LRRC49: variants seen among roughly 807,000 people sequenced by gnomAD.
LRRC49 encodes leucine rich repeat containing 49.
In LRRC49, 50 loss-of-function variants were observed where a neutral mutation model predicts 83.3. The ratio of observed to expected loss-of-function variants is 0.60; its 90% CI spans 0.48 to 0.76. The LOEUF (loss-of-function observed/expected upper bound fraction) is 0.76. LRRC49 is among the 30% of genes least tolerant of loss of function. The probability of loss-of-function intolerance (pLI) is 0.00; values close to 1 mark genes in which losing one functional copy is unlikely to be tolerated. For missense variants in LRRC49, 704 were observed against 809.1 expected (o/e 0.87, Z 1.58); for synonymous variants, 286 against 283.3 (o/e 1.01, Z -0.10).
chr15:71,015,474 G>A (rs369934032), intron 14 of LRRC49, among the ~76,000 whole-genome samples: 16 of 152,130 alleles, frequency 1.1e-4, no homozygotes, highest in Admixed American at 7.2e-4. Flanking sequence ...AGAATCTAAC[G>A]CCACTGCTGA....
chr15:70,936,790 A>G lies in LRRC49; in HGVS notation c.741A>G (p.Gln247=), dbSNP rs774089622. The G allele has an allele frequency of 1.2e-6, 2 of 1,611,624 alleles. No individual in the cohort carries two copies. Among genetic ancestry groups the G allele is most frequent in the Non-Finnish European group, 8.5e-7 (1 of 1,178,192 alleles). The change falls in exon 8 of 16, where the codon CAA becomes CAG. Residue 247 remains glutamine, a synonymous_variant. Transcript: ENST00000260382. ...ATGTGGATAATTTGCCCTGCCTCCA[A>G]CATCTCTTTCTCAGCTTTAACAATA... ...VRDVDNLPCL[Q]HLFLSFNNIS... is the part of the protein sequence containing the mutation.
intron 14 of LRRC49, among the ~76,000 whole-genome samples, chr15:71,026,115 TGTCCA>T (rs2039162208): frequency 6.6e-6 from 1 of 151,808 alleles, no homozygotes; most frequent in African/African-American, 2.4e-5. Context: ...CCCCTCCCTG[TGTCCA>T]TGTGTTCTTA....
intron 9 of LRRC49, among the ~76,000 whole-genome samples, chr15:70,968,604 G>A (rs1055544180): frequency 3.3e-5 from 5 of 152,142 alleles, no homozygotes; most frequent in African/African-American, 1.2e-4. Context: ...CACCAACAGT[G>A]TAAAAGCATT....
At chr15:70,858,975 C>T in intron 1 of LRRC49, 1 of 859,396 alleles carries the variant, frequency 1.2e-6, no homozygotes, top group East Asian at 2.4e-5. Flanking sequence ...CCAGGCTCTA[C>T]ACACCCAAAG....
Position 70,974,353 on chromosome 15 carries a change from T to G in LRRC49, c.922-5748T>G, listed in dbSNP as rs1258367215. 2.6e-5 allele frequency among the ~76,000 whole-genome samples: 4 copies of G among 152,266 alleles called. No individual in the cohort carries two copies. In the East Asian group the frequency reaches 7.7e-4, roughly 29 times the overall value. ...TTTTATGGCATCATTTTGAGTAAAT[T>G]GTATGACATGGTTATGTAGATTTTT... is the stretch of plus-strand genomic sequence containing the variant. On this transcript the variant is annotated intron_variant, in intron 9 of 15. Coordinates refer to ENST00000260382, the MANE Select transcript of LRRC49 (RefSeq NM_017691.5).
At chr15:71,028,525 G>A (rs1015079372) in intron 14 of LRRC49, among the ~76,000 whole-genome samples, 18 of 152,136 alleles carry the variant, frequency 1.2e-4, no homozygotes, top group East Asian at 3.9e-4. Context: ...GAATGCTACC[G>A]GCTCCTCTTT....
chr15:71,007,937 G>C (rs2038518104), intron 11 of LRRC49, among the ~76,000 whole-genome samples: 1 of 151,300 alleles, frequency 6.6e-6, no homozygotes, highest in Non-Finnish European at 1.5e-5. Context: ...ATTTTTAGCA[G>C]TTATTACTTG....
At chr15:70,860,295 G>A (rs1326459871) in intron 1 of LRRC49, 23 of 532,650 alleles carry the variant, frequency 4.3e-5, no homozygotes, top group Middle Eastern at 5.0e-4. Flanking sequence ...GCCCACCCGC[G>A]GGGGAGTTTA....
chr15:70,989,597 T>C (rs2037778927), intron 11 of LRRC49, among the ~76,000 whole-genome samples: 1 of 152,122 alleles, frequency 6.6e-6, no homozygotes, highest in South Asian at 2.1e-4. Flanking sequence ...TAGCTCGGAG[T>C]AGTTTGATCA....
At chr15:71,021,825 A>G (rs1186413726) in intron 14 of LRRC49, among the ~76,000 whole-genome samples, 1 of 152,208 alleles carries the variant, frequency 6.6e-6, no homozygotes, top group African/African-American at 2.4e-5. Context: ...TGGCAGAGGC[A>G]GGGTTCAAAG....
rs1203603147 is a variant in LRRC49, at chr15:70,963,024, T to TG, written c.774-754dup. On this transcript the variant is annotated intron_variant, in intron 8 of 15. Transcript: ENST00000260382. ...GTCATGCCTGTTAATTCCAGCACTT[T>TG]GGGGGGGCAAGGTGGGAGGATCGCT... 6.5e-4 allele frequency among the ~76,000 whole-genome samples: 99 copies of TG among 151,848 alleles called. 1 individual carries two copies. The highest frequency in any genetic ancestry group is 2.2e-3 in the African/African-American group (90 of 41,422).
At chr15:70,922,494 A>G (rs1358544814) in intron 7 of LRRC49, among the ~76,000 whole-genome samples, 1 of 152,116 alleles carries the variant, frequency 6.6e-6, no homozygotes, top group Non-Finnish European at 1.5e-5. Context: ...ACTCATAGAC[A>G]TAGAGAGTAG....
intron 1 of LRRC49, among the ~76,000 whole-genome samples, chr15:70,856,018 G>T (rs984634281): frequency 2.6e-5 from 4 of 152,092 alleles, no homozygotes; most frequent in African/African-American, 9.7e-5. Flanking sequence ...CATCTCGTGT[G>T]GCAAAGACAT....
intron 10 of LRRC49, 109 bp from the exon 11 acceptor site, chr15:70,983,985 G>C (rs73447518): frequency 3.9e-6 from 3 of 763,342 alleles, no homozygotes; most frequent in African/African-American, 1.8e-5. Context: ...AAAGGAACAG[G>C]CTCCTTTTAA....
At chr15:71,009,552 T>C (rs896766591) in intron 12 of LRRC49, 5 of 317,836 alleles carry the variant, frequency 1.6e-5, no homozygotes, top group Non-Finnish European at 1.7e-5. Context: ...AGAATGTTGG[T>C]TTATAAGTGA....
At chr15:70,859,770 T>C (rs2032741462) in intron 1 of LRRC49, 1 of 733,248 alleles carries the variant, frequency 1.4e-6, no homozygotes, top group Non-Finnish European at 2.6e-6. Flanking sequence ...AACGCCAAGC[T>C]GTCCGAGCTG....
intron 1 of LRRC49, among the ~76,000 whole-genome samples, chr15:70,870,951 T>TTTGTTTTTG (rs1555424837): frequency 6.1e-5 from 2 of 32,826 alleles, no homozygotes; most frequent in Non-Finnish European, 1.8e-4. Flanking sequence ...CTTAGTTTTT[T>TTTGTTTTTG]TTTTTTTTTT....
In LRRC49 at chr15:70,866,661, G is replaced by A. The variant is rs188585186; in HGVS notation, c.-298-6247G>A. 6.8e-4 allele frequency among the ~76,000 whole-genome samples: 104 copies of A among 152,170 alleles called. 1 individual carries two copies. The highest frequency in any genetic ancestry group is 2.4e-3 in the African/African-American group (101 of 41,530). The stretch of plus-strand genomic sequence containing the variant: ...TCCTCAGGGTCTTCATGCAGTGACG[G>A]GATATAGATAAGGGTAGAAAAATAT... On this transcript the variant is annotated intron_variant, in intron 1 of 16. Coordinates refer to the LRRC49 transcript ENST00000544974.
intron 14 of LRRC49, among the ~76,000 whole-genome samples, chr15:71,036,943 G>A (rs933818596): frequency 1.3e-5 from 2 of 152,074 alleles, no homozygotes; most frequent in South Asian, 4.1e-4. Flanking sequence ...TTTTAGAAAT[G>A]TTTGAGACGT....
Sources: gnomAD v4.1 joint callset for allele counts (sites outside exome capture counted in the v4.1 genomes callset) on GRCh38, gnomAD v4.1.1 for gene constraint, MANE v1.5 for transcripts, NCBI Gene and HGNC (gene_info 2026-07-23, HGNC 2026-07-21) for gene names.